PDE10A: variants seen among roughly 807,000 people sequenced by gnomAD.
PDE10A encodes the protein cAMP and cAMP-inhibited cGMP 3',5'-cyclic phosphodiesterase 10A.
PDE10A carries 39 observed loss-of-function variants against 97.7 expected under a neutral mutation model. The ratio of observed to expected loss-of-function variants is 0.40; its 90% CI spans 0.31 to 0.52. The LOEUF is 0.52. Among genes scored for constraint, PDE10A ranks in the 20% least tolerant of loss-of-function variants. The pLI is 0.56. For synonymous variants in PDE10A, 371 were observed against 376.8 expected (o/e 0.98, Z 0.18); for missense variants, 731 against 1,047.8 (o/e 0.70, Z 4.17).
At chr6:165,831,232 C>T (rs1386022367) in intron 1 of PDE10A, among the ~76,000 whole-genome samples, 1 of 151,192 alleles carries the variant, frequency 6.6e-6, no homozygotes, top group Admixed American at 6.6e-5. Flanking sequence ...ACTAGCCTGG[C>T]GTGGTGGTAG....
intron 1 of PDE10A, among the ~76,000 whole-genome samples, chr6:165,833,028 T>A (rs1159265677): frequency 6.6e-6 from 1 of 152,200 alleles, no homozygotes; most frequent in Non-Finnish European, 1.5e-5. Flanking sequence ...ATTAACACCA[T>A]CAAGAATCGT....
chr6:165,557,454 TA>T (rs1009663228), intron 1 of PDE10A, among the ~76,000 whole-genome samples: 6 of 152,216 alleles, frequency 3.9e-5, no homozygotes, highest in Non-Finnish European at 7.3e-5. Context: ...ATCATTTATT[TA>T]AAGACTTTAA....
At chr6:165,382,345 A>G (rs1365466071) in intron 17 of PDE10A, among the ~76,000 whole-genome samples, 3 of 152,186 alleles carry the variant, frequency 2.0e-5, no homozygotes, top group Admixed American at 1.3e-4. Flanking sequence ...GCTTTTGGAA[A>G]AAAATGTCAA....
intron 1 of PDE10A, among the ~76,000 whole-genome samples, chr6:165,975,642 T>C (rs890371635): frequency 1.3e-5 from 2 of 152,158 alleles, no homozygotes; most frequent in Non-Finnish European, 2.9e-5. Flanking sequence ...AATAAGAAAT[T>C]ATCAGATGAC....
chr6:165,972,617 G>T (rs1247388155), intron 1 of PDE10A, among the ~76,000 whole-genome samples: 1 of 152,182 alleles, frequency 6.6e-6, no homozygotes, highest in Non-Finnish European at 1.5e-5. Flanking sequence ...GATGACAGGA[G>T]TCTCCAGTGG....
At chr6:165,901,093 C>T (rs1171981275) in intron 1 of PDE10A, among the ~76,000 whole-genome samples, 2 of 152,160 alleles carry the variant, frequency 1.3e-5, no homozygotes, top group African/African-American at 4.8e-5. Context: ...ACTCATCCAC[C>T]GAATTCTCCA....
At chr6:165,917,721 C>G (rs1484494585) in intron 1 of PDE10A, among the ~76,000 whole-genome samples, 1 of 152,220 alleles carries the variant, frequency 6.6e-6, no homozygotes, top group African/African-American at 2.4e-5. Context: ...AGTCCGGACC[C>G]GGGGAGCACC....
intron 1 of PDE10A, among the ~76,000 whole-genome samples, chr6:165,922,393 C>A (rs1390724363): frequency 6.6e-6 from 1 of 152,178 alleles, no homozygotes; most frequent in South Asian, 2.1e-4. Context: ...CAAAGTGGTA[C>A]AAGCACAGCT....
At chr6:165,653,287 T>C (rs1000709486) in intron 1 of PDE10A, among the ~76,000 whole-genome samples, 13 of 152,318 alleles carry the variant, frequency 8.5e-5, no homozygotes, top group African/African-American at 3.1e-4. Context: ...ACATGCTTCC[T>C]ACCCGCAAGG....
chr6:165,368,125 G>A (rs1706118), intron 18 of PDE10A, among the ~76,000 whole-genome samples: 85,413 of 151,584 alleles, frequency 0.56, 25,343 homozygotes, highest in African/African-American at 0.76. Context: ...CCTCCCGAGT[G>A]TCTGGGATTA....
chr6:165,900,808 C>A (rs1003534613), intron 1 of PDE10A, among the ~76,000 whole-genome samples: 16 of 152,174 alleles, frequency 1.1e-4, no homozygotes, highest in African/African-American at 3.9e-4. Flanking sequence ...CATATCTATC[C>A]AACATACTCT....
chr6:165,505,938 A>G, intron 2 of PDE10A, among the ~76,000 whole-genome samples: 1 of 152,196 alleles, frequency 6.6e-6, no homozygotes, highest in African/African-American at 2.4e-5. Context: ...TAAAAATATA[A>G]ACAATAAAAC....
chr6:165,914,848 A>G (rs147872846), intron 1 of PDE10A, among the ~76,000 whole-genome samples: 1 of 152,328 alleles, frequency 6.6e-6, no homozygotes, highest in East Asian at 1.9e-4. Flanking sequence ...CAGAAACTTA[A>G]AATTGGAAAG....
intron 2 of PDE10A, among the ~76,000 whole-genome samples, chr6:165,533,503 T>C (rs139176022): frequency 8.5e-5 from 13 of 152,202 alleles, no homozygotes; most frequent in African/African-American, 2.9e-4. Context: ...GGCATTACAG[T>C]CTTATGGGAC....
intron 1 of PDE10A, among the ~76,000 whole-genome samples, chr6:165,786,208 G>C (rs1324515849): frequency 1.3e-5 from 2 of 152,176 alleles, no homozygotes; most frequent in Admixed American, 6.5e-5. Context: ...TTCACACATA[G>C]AGAAAAGCCC....
chr6:165,591,718 A>G (rs1786281757), intron 1 of PDE10A, among the ~76,000 whole-genome samples: 1 of 152,208 alleles, frequency 6.6e-6, no homozygotes, highest in Non-Finnish European at 1.5e-5. Context: ...TAAATTAGCT[A>G]TTGAATGTAT....
At chr6:165,582,394 C>T (rs1481956237) in intron 1 of PDE10A, among the ~76,000 whole-genome samples, 1 of 152,134 alleles carries the variant, frequency 6.6e-6, no homozygotes, top group Non-Finnish European at 1.5e-5. Flanking sequence ...TCATTACAAG[C>T]ATATGATTTC....
intron 1 of PDE10A, among the ~76,000 whole-genome samples, chr6:165,701,228 G>A (rs1280198205): frequency 6.6e-6 from 1 of 152,236 alleles, no homozygotes; most frequent in Non-Finnish European, 1.5e-5. Context: ...CTGCCGAAGA[G>A]TGACCTGTCC....
In PDE10A at chr6:165,852,334, A is replaced by G. The variant is rs9459516; in HGVS notation, c.-615+135195T>C. 2.0e-3 allele frequency among the ~76,000 whole-genome samples: 308 copies of G among 152,354 alleles called. 2 individuals are homozygous for G. The highest frequency in any genetic ancestry group is 3.5e-3 in the Admixed American group (53 of 15,308). Reference sequence around the variant, plus strand: ...CATGACAGCATGTGGACGTAGTTTCAAAATACACCCAATCATATGTCCTCA... The same window carrying G: ...CATGACAGCATGTGGACGTAGTTTCGAAATACACCCAATCATATGTCCTCA... On this transcript the variant is annotated intron_variant, in intron 1 of 19. Coordinates refer to the PDE10A transcript ENST00000366882.
Sources: allele counts gnomAD v4.1 joint callset (sites outside exome capture counted in the v4.1 genomes callset), GRCh38; gene constraint gnomAD v4.1.1; transcripts MANE v1.5; gene names NCBI Gene and HGNC (gene_info 2026-07-23, HGNC 2026-07-21).